TTN: variants seen among roughly 807,000 people sequenced by gnomAD.
TTN encodes the protein connectin.
Under a neutral mutation model 3,223.0 loss-of-function variants are expected in TTN, and 1,525 were observed. The observed-to-expected ratio is 0.47, with a 90% CI of 0.45 to 0.49. TTN has a LOEUF of 0.49. Ranked by LOEUF, TTN falls within the 20% of genes least tolerant of loss-of-function variation. TTN has a pLI of 0.00. For missense variants in TTN, 40,786 were observed against 43,424.0 expected, an observed-to-expected ratio of 0.94 and a Z score of 5.40; for synonymous variants, 14,094 against 15,161.0, an observed-to-expected ratio of 0.93 and a Z score of 5.17.
intron 37 of TTN, among the ~76,000 whole-genome samples, chr2:178,769,229 C>T (rs1561210725): frequency 6.6e-6 from 1 of 151,264 alleles, no homozygotes. Context: ...AGTGTAACCA[C>T]ATACTAGATG....
At chr2:178,629,173 A>C in intron 240 of TTN, 128 bp downstream of exon 240, 1 of 1,301,412 alleles carries the variant, frequency 7.7e-7, no homozygotes, top group Non-Finnish European at 1.0e-6. Context: ...AATCAGGCTA[A>C]AGGCGGAAAG....
chr2:178,732,551 C>T lies in TTN; in HGVS notation c.16510G>A (p.Glu5504Lys), dbSNP rs2080741049. Residue 5504 changes from glutamate (E) to lysine (K), a missense_variant, in exon 56 of 363, where the codon GAG becomes AAG. Coordinates refer to ENST00000589042, the MANE Select transcript of TTN (RefSeq NM_001267550.2). Reference sequence around the variant, plus strand: ...ACTAAATAGAGTTCCAGGGAACTCTCTAAAGCTTCTTTGGTAATATAGCAG... The same window carrying T: ...ACTAAATAGAGTTCCAGGGAACTCTTTAAAGCTTCTTTGGTAATATAGCAG... ...GSCYITKEAL[E>K]SSLELYLVKT... is the part of the protein sequence containing the mutation. The T allele has an allele frequency of 6.2e-7, 1 of 1,613,560 alleles. No homozygotes were observed.
rs765346653 is a variant in TTN, at chr2:178,599,666, A to G, written c.56235T>C (p.Asp18745=). The G allele has an allele frequency of 1.9e-6, 3 of 1,612,996 alleles. No individual in the cohort carries two copies. Among genetic ancestry groups the G allele is most frequent in the Admixed American group, 1.7e-5 (1 of 59,948 alleles). The part of the protein sequence containing the change: ...DTHVNKLVVD[D]TCTLVIPQSR... Reference sequence around the variant, plus strand: ...ACTGCGGAATAACTAAAGTGCAAGTATCATCTACCACCAGTTTGTTGACAT... The same window carrying G: ...ACTGCGGAATAACTAAAGTGCAAGTGTCATCTACCACCAGTTTGTTGACAT... The change falls in exon 289 of 363, where the codon GAT becomes GAC. Residue 18745 remains aspartate (D), a synonymous_variant. Coordinates refer to ENST00000589042, the MANE Select transcript of TTN (RefSeq NM_001267550.2).
Position 178,531,769 on chromosome 2 carries a change from C to G in TTN, c.104846G>C (p.Arg34949Pro). 1 of 1,613,940 alleles carries G rather than the reference C, an allele frequency of 6.2e-7. No individual in the cohort carries two copies. The highest frequency in any genetic ancestry group is 8.5e-7 in the Non-Finnish European group (1 of 1,179,870). ...DHAPRITLRMRSHRVPCGQNT... is the reference protein window; with the variant it reads ...DHAPRITLRMPSHRVPCGQNT... ...TTGGCCACATGGTACCCTGTGCGAGCGCATTCTCAGTGTGATTCGAGGGGC... is the reference window on the plus strand; with the variant it reads ...TTGGCCACATGGTACCCTGTGCGAGGGCATTCTCAGTGTGATTCGAGGGGC... The change falls in exon 358 of 363, where the codon CGC becomes CCC. Residue 34949 changes from arginine to proline, a missense_variant. Coordinates refer to ENST00000589042, the MANE Select transcript of TTN (RefSeq NM_001267550.2).
chr2:178,776,799 A>G lies in TTN; in HGVS notation c.5065T>C (p.Trp1689Arg). The G allele has an allele frequency of 1.2e-6, 2 of 1,614,102 alleles. No individual in the cohort carries two copies. Among genetic ancestry groups the G allele is most frequent in the Non-Finnish European group, 1.7e-6 (2 of 1,179,992 alleles). The change falls in exon 28 of 363, where the codon TGG (tryptophan) becomes CGG (arginine). Residue 1689 changes from tryptophan to arginine, a missense_variant. By Grantham distance (101) the Trp-to-Arg change is moderately radical. Transcript: ENST00000589042. ...PLHLRYGQEQ[W>R]EEGDLYDKEK... is the part of the protein sequence containing the mutation. The stretch of plus-strand genomic sequence containing the variant: ...TTGTCATAGAGATCACCTTCTTCCC[A>G]TTGCTCTTGGCCATATCGCAAATGG...
In TTN at chr2:178,630,659, G is replaced by C. The variant is rs565933046; in HGVS notation, c.44154+145C>G. ...GTGTGCCAGTCTGAGCCCATTCATA[G>C]ACCCTGACATCTCTCTTTGGCTTAG... On this transcript the variant is annotated intron_variant, in intron 238 of 362. Transcript: ENST00000589042. 22 of 1,258,488 alleles carry C rather than the reference G, an allele frequency of 1.7e-5. No individual in the cohort carries two copies. The African/African-American group carries it at 3.0e-4, about 17-fold the overall frequency. 78.0% of individuals were successfully genotyped at this position (1,258,488 alleles called of 1,614,324 possible). A position where few individuals can be genotyped will look rare whatever the true frequency, so the allele number is the denominator to read the frequency against.
intron 45 of TTN, among the ~76,000 whole-genome samples, chr2:178,757,015 T>A (rs955209383): frequency 2.0e-5 from 3 of 152,130 alleles, no homozygotes; most frequent in African/African-American, 7.2e-5. Context: ...TGAAGACTCA[T>A]GCAGATGCCA....
chr2:178,774,731 T>C lies in TTN; in HGVS notation c.6790+190A>G, dbSNP rs906851077. On this transcript the variant is annotated intron_variant, in intron 29 of 362. Transcript: ENST00000589042. Reference sequence around the variant, plus strand: ...GCTAAAAATCAAGATAATACTACTTTAAAAAATCCAAATGGTCAAATTGTT... The same window carrying C: ...GCTAAAAATCAAGATAATACTACTTCAAAAAATCCAAATGGTCAAATTGTT... 8 of 789,552 alleles carry C rather than the reference T, an allele frequency of 1.0e-5. No individual in the cohort carries two copies. The African/African-American group carries it at 1.2e-4, about 12-fold the overall frequency. The allele number at this position is 789,552 out of a possible 1,614,324, so 48.9% of individuals were successfully genotyped here.
In TTN at chr2:178,756,434, CAG is replaced by C; in HGVS notation, c.11040_11041del (p.Val3682PhefsTer4). On this transcript the variant is annotated frameshift_variant, in exon 46 of 363. Coordinates refer to ENST00000589042, the MANE Select transcript of TTN (RefSeq NM_001267550.2). LOFTEE classifies it high-confidence loss of function. ...AATGAAAGAATCATCTTTTAAAACA[CAG>C]AGGAATTGAGCCGTGTCACCGCACT... 1 of 1,613,812 alleles carries C rather than the reference CAG, an allele frequency of 6.2e-7. No individual in the cohort carries two copies. The highest frequency in any genetic ancestry group is 8.5e-7 in the Non-Finnish European group (1 of 1,179,826).
intron 259 of TTN, 31 bp from the exon 260 acceptor site, chr2:178,614,999 G>T (rs1166332833): frequency 1.3e-6 from 2 of 1,552,942 alleles, no homozygotes; most frequent in Non-Finnish European, 1.8e-6. Context: ...ATGTTTTACT[G>T]TGATGTCGAT....
At chr2:178,736,209 G>T in intron 49 of TTN, 135 bp from the exon 50 acceptor site, 1 of 779,092 alleles carries the variant, frequency 1.3e-6, no homozygotes, top group Non-Finnish European at 1.9e-6. Flanking sequence ...GGAGTAATGT[G>T]TTAATAAGAA....
Position 178,730,097 on chromosome 2 carries a change from T to C in TTN, c.18303A>G (p.Val6101=), listed in dbSNP as rs1334337532. Residue 6101 remains valine (V), a synonymous_variant, in exon 62 of 363, where the codon GTA becomes GTG. Transcript: ENST00000589042. ...GAGGAGATGTAGAGACCAGACCTTTTACAAAGAGAGTGGCTTTGCTGGTTG... is the reference window on the plus strand; with the variant it reads ...GAGGAGATGTAGAGACCAGACCTTTCACAAAGAGAGTGGCTTTGCTGGTTG... The part of the protein sequence containing the change: ...GTATSKATLF[V]KEPPQFIKKP... 2.5e-6 allele frequency: 4 copies of C among 1,611,026 alleles called. No individual in the cohort carries two copies. Among genetic ancestry groups the C allele is most frequent in the South Asian group, 1.1e-5 (1 of 90,842 alleles).
At chr2:178,654,412 GC>G (rs1560132619) in intron 192 of TTN, 32 bp downstream of exon 192, 4 of 1,453,900 alleles carry the variant, frequency 2.8e-6, no homozygotes, top group African/African-American at 1.5e-5. Context: ...TTTCCCCAGG[GC>G]CCCCCGACTG....
In TTN at chr2:178,603,973, T is replaced by C; in HGVS notation, c.54714A>G (p.Glu18238=). Residue 18238 remains glutamate (E), a synonymous_variant, in exon 282 of 363, where the codon GAA becomes GAG. Coordinates refer to ENST00000589042, the MANE Select transcript of TTN (RefSeq NM_001267550.2). ...TGGCTCTGAACTGGTATTTAACGCC[T>C]TCAAGCAAACGAGGAACATTAAATT... The part of the protein sequence containing the change: ...GVEFNVPRLL[E]GVKYQFRAMA... The C allele has an allele frequency of 6.2e-7, 1 of 1,612,742 alleles. No individual in the cohort carries two copies. Among genetic ancestry groups the C allele is most frequent in the South Asian group, 1.1e-5 (1 of 91,020 alleles).
Position 178,554,906 on chromosome 2 carries a change from G to A in TTN, c.88553C>T (p.Ala29518Val). ...GATGGTGGCTGAGGCTGAGCCCATG[G>A]CATTCCTTAGTTTTAATTCATAGCA... is the stretch of plus-strand genomic sequence containing the variant. ...SGCYELKLRNAMGSASATIRV... is the reference protein window; with the variant it reads ...SGCYELKLRNVMGSASATIRV... Residue 29518 changes from alanine to valine, a missense_variant, in exon 331 of 363, where the codon GCC becomes GTC. Ala to Val is a moderately conservative substitution (Grantham distance 64). Transcript: ENST00000589042. 1.9e-6 allele frequency: 3 copies of A among 1,613,834 alleles called. No homozygotes were observed. Among genetic ancestry groups the A allele is most frequent in the Non-Finnish European group, 2.5e-6 (3 of 1,179,832 alleles).
chr2:178,540,298 A>G lies in TTN; in HGVS notation c.97868T>C (p.Val32623Ala), dbSNP rs1171694976. 1 of 1,613,830 alleles carries G rather than the reference A, an allele frequency of 6.2e-7. No individual in the cohort carries two copies. Among genetic ancestry groups the G allele is most frequent in the Admixed American group, 1.7e-5 (1 of 60,014 alleles). Residue 32623 changes from valine to alanine, a missense_variant, in exon 351 of 363, where the codon GTT (valine) becomes GCT (alanine). By Grantham distance (64) the Val-to-Ala change is moderately conservative. Transcript: ENST00000589042. ...TRTSVSLAWS[V>A]PEDEGGSKVT... ...TTTAGATCCTCCTTCATCTTCTGGA[A>G]CACTCCAGGCCAGGGAGACTGATGT...
At position 178,590,444 on chromosome 2, in the gene TTN, A is replaced by G. The variant is rs1482843733; in HGVS notation, c.61281T>C (p.Ile20427=). 22 of 1,612,808 alleles carry G rather than the reference A, an allele frequency of 1.4e-5. No homozygotes were observed. The highest frequency in any genetic ancestry group is 1.7e-5 in the Non-Finnish European group (20 of 1,179,360). The change falls in exon 304 of 363, where the codon ATT becomes ATC. Residue 20427 remains isoleucine, a synonymous_variant. Coordinates refer to ENST00000589042, the MANE Select transcript of TTN (RefSeq NM_001267550.2). ...CAGGTACCCTAAAGGCACATTGCCTAATGAGTTCATCTTTATTAATCCTGT... is the reference window on the plus strand; with the variant it reads ...CAGGTACCCTAAAGGCACATTGCCTGATGAGTTCATCTTTATTAATCCTGT... ...QWNRINKDEL[I]RQCAFRVPGL...
Position 178,528,904 on chromosome 2 carries a change from A to G in TTN, c.106847T>C (p.Met35616Thr). The change falls in exon 360 of 363, where the codon ATG becomes ACG. Residue 35616 changes from methionine (M) to threonine (T), a missense_variant. Physicochemically the swap from Met to Thr is moderately conservative, Grantham distance 81. Coordinates refer to ENST00000589042, the MANE Select transcript of TTN (RefSeq NM_001267550.2). ...HAEIKAFSTQ[M>T]SINEGQRLVL... ...CAGTCTTTGACCTTCGTTTATGCTC[A>G]TCTGAGTAGAAAATGCTTTAATCTC... The G allele has an allele frequency of 6.2e-7, 1 of 1,614,042 alleles. No individual in the cohort carries two copies. Among genetic ancestry groups the G allele is most frequent in the Non-Finnish European group, 8.5e-7 (1 of 1,179,880 alleles).
intron 236 of TTN, among the ~76,000 whole-genome samples, chr2:178,631,531 A>T (rs2059801293): frequency 6.6e-6 from 1 of 151,458 alleles, no homozygotes; most frequent in Non-Finnish European, 1.5e-5. Flanking sequence ...GAAACATTTT[A>T]TTAACAGTAG....
Sources: allele counts gnomAD v4.1 joint callset (sites outside exome capture counted in the v4.1 genomes callset), GRCh38; gene constraint gnomAD v4.1.1; transcripts MANE v1.5; gene names NCBI Gene and HGNC (gene_info 2026-07-23, HGNC 2026-07-21).